Variants in RNF150 observed in about 807,000 individuals in gnomAD.
RNF150 encodes ring finger protein 150.
RNF150 carries 24 observed loss-of-function variants against 39.3 expected under a neutral mutation model. The observed-to-expected ratio is 0.61, with a 90% CI of 0.44 to 0.86. The LOEUF (loss-of-function observed/expected upper bound fraction) is 0.86. Among genes scored for constraint, RNF150 ranks in the 40% least tolerant of loss-of-function variants. RNF150 has a pLI of 0.00. For synonymous variants in RNF150, 255 were observed against 227.3 expected (o/e 1.12, Z -1.10); for missense variants, 502 against 587.8 (o/e 0.85, Z 1.51).
intron 1 of RNF150, among the ~76,000 whole-genome samples, chr4:141,093,580 T>C (rs1171907291): frequency 6.6e-6 from 1 of 152,182 alleles, no homozygotes; most frequent in Non-Finnish European, 1.5e-5. Context: ...GGGACTTAAG[T>C]TGACCCTCTG....
chr4:141,013,460 A>C (rs1169739500), intron 1 of RNF150, among the ~76,000 whole-genome samples: 1 of 152,240 alleles, frequency 6.6e-6, no homozygotes, highest in Non-Finnish European at 1.5e-5. Flanking sequence ...TAACTTGCCC[A>C]AGGTCACAGA....
intron 1 of RNF150, among the ~76,000 whole-genome samples, chr4:141,150,251 A>T (rs1381632368): frequency 6.6e-6 from 1 of 152,246 alleles, no homozygotes; most frequent in Non-Finnish European, 1.5e-5. Context: ...TCAGCAAAAC[A>T]AAATAATCAG....
chr4:140,924,345 G>A (rs2111317115), intron 5 of RNF150, among the ~76,000 whole-genome samples: 1 of 152,314 alleles, frequency 6.6e-6, no homozygotes, highest in South Asian at 2.1e-4. Context: ...TTATTTACAA[G>A]TAGCTTCTGC....
At chr4:141,045,084 G>T (rs1472026797) in intron 1 of RNF150, among the ~76,000 whole-genome samples, 3 of 152,158 alleles carry the variant, frequency 2.0e-5, no homozygotes, top group Non-Finnish European at 4.4e-5. Context: ...AGCCTTGTGA[G>T]GTTAAAAAAC....
intron 6 of RNF150, among the ~76,000 whole-genome samples, chr4:140,899,652 G>T (rs1730099752): frequency 6.6e-6 from 1 of 152,064 alleles, no homozygotes; most frequent in South Asian, 2.1e-4. Flanking sequence ...AGCCTATGGA[G>T]CGAGGAGGAA....
chr4:141,052,453 G>C (rs1435657875), intron 1 of RNF150, among the ~76,000 whole-genome samples: 1 of 152,146 alleles, frequency 6.6e-6, no homozygotes, highest in East Asian at 1.9e-4. Flanking sequence ...TTGGCTCACT[G>C]CAACCTCCAC....
intron 1 of RNF150, among the ~76,000 whole-genome samples, chr4:141,018,468 T>C (rs1034977381): frequency 2.0e-5 from 3 of 152,126 alleles, no homozygotes; most frequent in African/African-American, 7.2e-5. Flanking sequence ...CCCAAATGCC[T>C]CACTGTGGCA....
intron 1 of RNF150, among the ~76,000 whole-genome samples, chr4:141,001,813 T>G (rs73860205): frequency 0.075 from 11,424 of 152,182 alleles, 487 homozygotes; most frequent in Middle Eastern, 0.16. Context: ...CAGGATGTTT[T>G]AAAACCATAG....
intron 1 of RNF150, among the ~76,000 whole-genome samples, chr4:141,086,027 T>TAC (rs10527153): frequency 0.11 from 16,073 of 139,882 alleles, 873 homozygotes; most frequent in East Asian, 0.18. Flanking sequence ...TGAGAAGAGT[T>TAC]ACACACACAC....
At chr4:141,068,856 T>A (rs1737568098) in intron 1 of RNF150, among the ~76,000 whole-genome samples, 1 of 129,034 alleles carries the variant, frequency 7.7e-6, no homozygotes, top group Non-Finnish European at 1.7e-5. Context: ...TTTGGCTCTC[T>A]GTTTGTCTGT....
intron 1 of RNF150, among the ~76,000 whole-genome samples, chr4:141,194,062 A>G (rs1284125745): frequency 6.6e-6 from 1 of 152,226 alleles, no homozygotes; most frequent in Non-Finnish European, 1.5e-5. Context: ...TGAACATGCC[A>G]TTTGAAACAC....
intron 1 of RNF150, among the ~76,000 whole-genome samples, chr4:141,030,595 A>C (rs1735906892): frequency 1.3e-5 from 2 of 152,228 alleles, no homozygotes; most frequent in African/African-American, 4.8e-5. Flanking sequence ...TGTGGTTTAC[A>C]CATATAAAGG....
At chr4:141,146,634 G>A (rs991255160) in intron 1 of RNF150, among the ~76,000 whole-genome samples, 2 of 152,070 alleles carry the variant, frequency 1.3e-5, no homozygotes, top group Admixed American at 6.6e-5. Flanking sequence ...AAAAAAGAAA[G>A]TTAAGGTTTG....
At chr4:141,178,610 A>T (rs913888019) in intron 1 of RNF150, among the ~76,000 whole-genome samples, 3 of 152,086 alleles carry the variant, frequency 2.0e-5, no homozygotes, top group Non-Finnish European at 2.9e-5. Context: ...TACTGTCTTT[A>T]GCTTAAAGAA....
chr4:141,004,229 T>TAAAAAA (rs11413709), intron 1 of RNF150, among the ~76,000 whole-genome samples: 1 of 129,556 alleles, frequency 7.7e-6, no homozygotes. Flanking sequence ...CAGATGTTAG[T>TAAAAAA]AAAAAAAAAA....
At chr4:140,912,243 T>A (rs13109487) in intron 5 of RNF150, among the ~76,000 whole-genome samples, 1 of 152,172 alleles carries the variant, frequency 6.6e-6, no homozygotes, top group Non-Finnish European at 1.5e-5. Flanking sequence ...TTTCTATCTC[T>A]TCCACAAACA....
intron 1 of RNF150, among the ~76,000 whole-genome samples, chr4:141,197,446 A>G (rs1728219088): frequency 6.6e-6 from 1 of 152,194 alleles, no homozygotes; most frequent in Non-Finnish European, 1.5e-5. Flanking sequence ...TTTTATTTGT[A>G]ACTTATTGTA....
At chr4:141,014,174 C>A (rs1275252872) in intron 1 of RNF150, among the ~76,000 whole-genome samples, 1 of 152,134 alleles carries the variant, frequency 6.6e-6, no homozygotes, top group Non-Finnish European at 1.5e-5. Context: ...ATTCCCACTC[C>A]CCCTTTAATG....
intron 1 of RNF150, among the ~76,000 whole-genome samples, chr4:141,203,385 T>C (rs1728321462): frequency 6.6e-6 from 1 of 150,574 alleles, no homozygotes; most frequent in African/African-American, 2.5e-5. Context: ...CTTGGAGATA[T>C]ATAATATTGG....
Sources: allele counts gnomAD v4.1 joint callset (sites outside exome capture counted in the v4.1 genomes callset), GRCh38; gene constraint gnomAD v4.1.1; transcripts MANE v1.5; gene names NCBI Gene and HGNC (gene_info 2026-07-23, HGNC 2026-07-21).